Variants in ADPRM observed in about 807,000 individuals in gnomAD.
The protein encoded by ADPRM is ADP-ribose/CDP-alcohol diphosphatase, manganese dependent, also known as manganese-dependent ADP-ribose/CDP-alcohol diphosphatase.
In ADPRM, 17 loss-of-function variants were observed where a neutral mutation model predicts 27.2. That is an observed-to-expected ratio of 0.63 (90% confidence interval 0.43 to 0.94). The LOEUF (loss-of-function observed/expected upper bound fraction) is 0.94, where lower values mean the gene tolerates loss of function less well. Ranked by LOEUF, ADPRM falls within the 40% of genes least tolerant of loss-of-function variation. ADPRM has a pLI of 0.00. For synonymous variants in ADPRM, 135 were observed against 145.3 expected, an observed-to-expected ratio of 0.93 and a Z score of 0.51; for missense variants, 337 against 412.8, an observed-to-expected ratio of 0.82 and a Z score of 1.59.
intron 1 of ADPRM, among the ~76,000 whole-genome samples, 192 bp from the exon 2 acceptor site, chr17:10,704,718 A>C (rs779681055): frequency 6.6e-6 from 1 of 152,216 alleles, no homozygotes; most frequent in Non-Finnish European, 1.5e-5. Context: ...TCTGTTTTAC[A>C]GAAGAGAAAG....
Position 10,711,276 on chromosome 17 carries a change from A to G in ADPRM, c.*132A>G, listed in dbSNP as rs759991903. 103 of 732,398 alleles carry G rather than the reference A, an allele frequency of 1.4e-4. No homozygotes were observed. The highest frequency in any genetic ancestry group is 2.1e-4 in the Non-Finnish European group (96 of 459,684). 45.4% of individuals were successfully genotyped at this position (732,398 alleles called of 1,614,324 possible). On this transcript the variant is annotated 3_prime_UTR_variant, in exon 4 of 4. Transcript: ENST00000379774. ...AATGTATTTATAGTTTCAGTGTGTG[A>G]TGGTTGATAAAATACTCAGAAATGT...
intron 1 of ADPRM, among the ~76,000 whole-genome samples, chr17:10,703,307 A>G (rs1370736763): frequency 6.6e-6 from 1 of 152,174 alleles, no homozygotes; most frequent in Non-Finnish European, 1.5e-5. Context: ...ACCCTCATAC[A>G]TACTGACTTG....
At chr17:10,710,488 T>C (rs1008988596) in intron 3 of ADPRM, among the ~76,000 whole-genome samples, 3 of 152,254 alleles carry the variant, frequency 2.0e-5, no homozygotes, top group African/African-American at 7.2e-5. Context: ...GCACAGCATC[T>C]GCCCAGTTTC....
chr17:10,708,085 G>A (rs1019964167), intron 3 of ADPRM, among the ~76,000 whole-genome samples: 1 of 152,054 alleles, frequency 6.6e-6, no homozygotes, highest in African/African-American at 2.4e-5. Flanking sequence ...TGGGCAAATA[G>A]CAAACCTACA....
Position 10,711,370 on chromosome 17 carries a change from G to C in ADPRM, c.*226G>C, listed in dbSNP as rs1483036001. ...GAGGAAACTGAGGCAGGGGTGTATA[G>C]TCCTCATAAGGGGCATATAGTCCTC... On this transcript the variant is annotated 3_prime_UTR_variant, in exon 4 of 4. Coordinates refer to ENST00000379774, the MANE Select transcript of ADPRM (RefSeq NM_020233.5). 4 of 509,764 alleles carry C rather than the reference G, an allele frequency of 7.8e-6. No individual in the cohort carries two copies. In the East Asian group the frequency reaches 1.4e-4, roughly 17 times the overall value. 31.6% of individuals were successfully genotyped at this position (509,764 alleles called of 1,614,324 possible).
In ADPRM at chr17:10,702,127, GAA is replaced by G. The variant is rs1176789164; in HGVS notation, c.-17-2779_-17-2778del. Among the ~76,000 whole-genome samples, 1 of 152,204 alleles carries G rather than the reference GAA, an allele frequency of 6.6e-6. No homozygotes were observed. The highest frequency in any genetic ancestry group is 2.4e-5 in the African/African-American group (1 of 41,444). On this transcript the variant is annotated intron_variant, in intron 1 of 3. Coordinates refer to ENST00000379774, the MANE Select transcript of ADPRM (RefSeq NM_020233.5). This position sits in a 1 kb window ranked among gnomAD's most constrained non-coding sequence, Gnocchi z 4.2. ...AACTGTTAAGTATATTCCAAAATCT[GAA>G]AAAGTCCGAAATCTAAAACACTTCT...
At chr17:10,707,994 G>C (rs902262392) in intron 3 of ADPRM, among the ~76,000 whole-genome samples, 1 of 152,132 alleles carries the variant, frequency 6.6e-6, no homozygotes, top group Non-Finnish European at 1.5e-5. Flanking sequence ...ATTGATGTGG[G>C]ATAACAGGTG....
intron 1 of ADPRM, among the ~76,000 whole-genome samples, chr17:10,698,825 T>A (rs1386131962): frequency 1.3e-5 from 2 of 152,212 alleles, no homozygotes; most frequent in Non-Finnish European, 2.9e-5. Context: ...TGCCTGTGGG[T>A]AGGATTTTTG....
chr17:10,697,676 T>G lies in ADPRM; in HGVS notation c.-18+9T>G. 6.0e-6 allele frequency: 5 copies of G among 829,068 alleles called. No individual in the cohort carries two copies. The highest frequency in any genetic ancestry group is 9.7e-6 in the Non-Finnish European group (5 of 513,182). The allele number at this position is 829,068 out of a possible 1,614,324, so 51.4% of individuals were successfully genotyped here. ...CCAGGGGCCGGCGCACGGTAGGTAG[T>G]TCCCTGCGGCTGGAGGCGGGTCTGG... is the stretch of plus-strand genomic sequence containing the variant. On this transcript the variant is annotated intron_variant, in intron 1 of 3. Transcript: ENST00000379774.
At chr17:10,697,707 G>C in intron 1 of ADPRM, 40 bp downstream of exon 1, 1 of 700,254 alleles carries the variant, frequency 1.4e-6, no homozygotes, top group Non-Finnish European at 2.4e-6. Context: ...TCTGGCGCGG[G>C]CTGGGCGGTG....
chr17:10,701,530 C>T (rs917337225), intron 1 of ADPRM, among the ~76,000 whole-genome samples: 1 of 152,074 alleles, frequency 6.6e-6, no homozygotes. Context: ...GGGGTTTCAC[C>T]ATGTTAGCCA....
chr17:10,705,673 G>T lies in ADPRM; in HGVS notation c.601+146G>T, dbSNP rs1477487901. ...GATTTCTCACAAGCCTTCTCACATG[G>T]ATTGGTTACAGTTGATTCAAGATTG... On this transcript the variant is annotated intron_variant, in intron 2 of 3. Transcript: ENST00000379774. This position sits in a 1 kb window ranked among gnomAD's most constrained non-coding sequence, Gnocchi z 5.4. 2 of 1,285,356 alleles carry T rather than the reference G, an allele frequency of 1.6e-6. No individual in the cohort carries two copies. The highest frequency in any genetic ancestry group is 2.1e-6 in the Non-Finnish European group (2 of 960,670). The allele number at this position is 1,285,356 out of a possible 1,614,324, so 79.6% of individuals were successfully genotyped here. A position where few individuals can be genotyped will look rare whatever the true frequency, so the allele number is the denominator to read the frequency against.
chr17:10,704,320 C>G (rs2074799056), intron 1 of ADPRM, among the ~76,000 whole-genome samples: 1 of 152,014 alleles, frequency 6.6e-6, no homozygotes, highest in South Asian at 2.1e-4. Flanking sequence ...TATTCCTCTC[C>G]TTTCATATCT....
chr17:10,704,361 A>G (rs913265114), intron 1 of ADPRM, among the ~76,000 whole-genome samples: 1 of 152,100 alleles, frequency 6.6e-6, no homozygotes, highest in Non-Finnish European at 1.5e-5. Context: ...ATTCAGATAT[A>G]AAATATGAGA....
At chr17:10,704,845 T>G (rs1001815380) in intron 1 of ADPRM, 65 bp from the exon 2 acceptor site, 22 of 1,326,304 alleles carry the variant, frequency 1.7e-5, no homozygotes, top group Non-Finnish European at 2.2e-5. Context: ...CTTTATCATT[T>G]TCTTAAGTGA....
At chr17:10,704,506 A>T (rs1336966635) in intron 1 of ADPRM, among the ~76,000 whole-genome samples, 1 of 150,746 alleles carries the variant, frequency 6.6e-6, no homozygotes, top group East Asian at 1.9e-4. Context: ...AAAAAAAAAA[A>T]ACTTGAAGTT....
intron 1 of ADPRM, among the ~76,000 whole-genome samples, chr17:10,699,600 C>G (rs897908410): frequency 2.7e-5 from 4 of 148,804 alleles, no homozygotes; most frequent in Non-Finnish European, 4.4e-5. Flanking sequence ...TCTCAGCTCA[C>G]TGCAACCTCC....
Position 10,705,707 on chromosome 17 carries a change from G to T in ADPRM, c.601+180G>T. 3.8e-6 allele frequency: 4 copies of T among 1,052,550 alleles called. No homozygotes were observed. The highest frequency in any genetic ancestry group is 5.3e-6 in the Non-Finnish European group (4 of 756,434). The allele number at this position is 1,052,550 out of a possible 1,614,324, so 65.2% of individuals were successfully genotyped here. On this transcript the variant is annotated intron_variant, in intron 2 of 3. Transcript: ENST00000379774. The surrounding 1 kb of genome is among the most constrained non-coding windows in gnomAD (Gnocchi z 5.4). Reference sequence around the variant, plus strand: ...CAGTTGATTCAAGATTGATTTAACAGATATTTTAAATGCCTATTTTAGGCC... The same window carrying T: ...CAGTTGATTCAAGATTGATTTAACATATATTTTAAATGCCTATTTTAGGCC...
rs746146404 is a variant in ADPRM at position 10,704,956 on chromosome 17, A to C, written c.30A>C (p.Leu10=). 1 of 1,612,490 alleles carries C rather than the reference A, an allele frequency of 6.2e-7. No homozygotes were observed. Reference sequence around the variant, plus strand: ...ATGATAAACCCAATCCTGAAGCCCTAAGTGACAGTTCAGAGCGTCTTTTCT... The same window carrying C: ...ATGATAAACCCAATCCTGAAGCCCTCAGTGACAGTTCAGAGCGTCTTTTCT... MDDKPNPEA[L]SDSSERLFSF... is the part of the protein sequence containing the mutation. Residue 10 remains leucine, a synonymous_variant, in exon 2 of 4, where the codon CTA becomes CTC. Transcript: ENST00000379774.
Sources: allele counts gnomAD v4.1 joint callset (sites outside exome capture counted in the v4.1 genomes callset), GRCh38; gene constraint gnomAD v4.1.1; non-coding constraint Gnocchi (gnomAD v3.1); transcripts MANE v1.5; gene names NCBI Gene and HGNC (gene_info 2026-07-23, HGNC 2026-07-21).